ARL15: variants seen among roughly 807,000 people sequenced by gnomAD.
The protein encoded by ARL15 is ADP-ribosylation factor-like protein 15.
ARL15 carries 19 observed loss-of-function variants against 25.2 expected under a neutral mutation model. The observed-to-expected ratio is 0.75, with a 90% CI of 0.53 to 1.10. ARL15 has a LOEUF of 1.10. Among genes scored for constraint, ARL15 ranks in the 50% least tolerant of loss-of-function variants. The pLI, the probability that ARL15 is intolerant of heterozygous loss-of-function variation, is 0.00. For synonymous variants in ARL15, 94 were observed against 86.8 expected (o/e 1.08, Z -0.46); for missense variants, 220 against 246.0 (o/e 0.89, Z 0.71).
At chr5:54,029,078 A>G (rs1017104037) in intron 4 of ARL15, among the ~76,000 whole-genome samples, 29 of 151,972 alleles carry the variant, frequency 1.9e-4, no homozygotes, top group Non-Finnish European at 4.1e-4. Flanking sequence ...GAAGGCTGCA[A>G]ATAGTTGTTT....
chr5:54,017,356 A>G (rs565698939), intron 4 of ARL15, among the ~76,000 whole-genome samples: 3 of 152,192 alleles, frequency 2.0e-5, no homozygotes, highest in African/African-American at 7.2e-5. Context: ...TCAGCTTGGT[A>G]TGTCTCTGCC....
intron 4 of ARL15, among the ~76,000 whole-genome samples, chr5:54,071,288 A>G (rs1163696013): frequency 2.0e-5 from 3 of 152,194 alleles, no homozygotes; most frequent in Non-Finnish European, 4.4e-5. Context: ...TTAAAATGGT[A>G]TCTTTAGATA....
At chr5:54,084,661 G>A (rs1751907650) in intron 4 of ARL15, among the ~76,000 whole-genome samples, 1 of 152,100 alleles carries the variant, frequency 6.6e-6, no homozygotes, top group African/African-American at 2.4e-5. Context: ...ATTTGTCTGT[G>A]GCATTAGTGC....
At chr5:54,188,949 T>C (rs912809841) in intron 1 of ARL15, among the ~76,000 whole-genome samples, 1 of 152,172 alleles carries the variant, frequency 6.6e-6, no homozygotes, top group Non-Finnish European at 1.5e-5. Context: ...GTGCAATCTT[T>C]AGGGTTTTCT....
intron 4 of ARL15, among the ~76,000 whole-genome samples, chr5:53,949,837 C>T (rs2112112063): frequency 6.6e-6 from 1 of 152,218 alleles, no homozygotes; most frequent in South Asian, 2.1e-4. Flanking sequence ...TAACTCTTTC[C>T]AAAAGACTGC....
intron 1 of ARL15, among the ~76,000 whole-genome samples, chr5:54,305,977 A>G (rs561652686): frequency 6.6e-6 from 1 of 152,310 alleles, no homozygotes; most frequent in South Asian, 2.1e-4. Flanking sequence ...AAAACACACA[A>G]AATGAGAGAA....
intron 1 of ARL15, among the ~76,000 whole-genome samples, chr5:54,292,766 G>T (rs1274724032): frequency 6.6e-6 from 1 of 151,974 alleles, no homozygotes; most frequent in Non-Finnish European, 1.5e-5. Flanking sequence ...CTCACTCAGC[G>T]CTCACAATTA....
intron 4 of ARL15, among the ~76,000 whole-genome samples, chr5:54,100,539 T>A (rs747812450): frequency 1.6e-4 from 25 of 152,204 alleles, no homozygotes; most frequent in Non-Finnish European, 3.1e-4. Context: ...ACAAATAAAT[T>A]GTGAAATTAC....
At chr5:54,269,735 TC>T (rs1757731375) in intron 1 of ARL15, among the ~76,000 whole-genome samples, 1 of 152,238 alleles carries the variant, frequency 6.6e-6, no homozygotes, top group Admixed American at 6.5e-5. Context: ...AACCTCCACC[TC>T]CCAGGTTCAA....
intron 4 of ARL15, among the ~76,000 whole-genome samples, chr5:53,914,537 T>C (rs920281389): frequency 2.0e-5 from 3 of 152,126 alleles, no homozygotes; most frequent in Non-Finnish European, 4.4e-5. Context: ...AAGTAATACA[T>C]AAATATTCGT....
At chr5:54,207,853 T>C (rs1041401671) in intron 1 of ARL15, among the ~76,000 whole-genome samples, 2 of 152,226 alleles carry the variant, frequency 1.3e-5, no homozygotes, top group Non-Finnish European at 2.9e-5. Flanking sequence ...TTAAGAGTTC[T>C]AGATCCTCTC....
At chr5:53,943,475 C>A (rs1580103760) in intron 4 of ARL15, among the ~76,000 whole-genome samples, 1 of 152,030 alleles carries the variant, frequency 6.6e-6, no homozygotes, top group African/African-American at 2.4e-5. Context: ...AAATTTGGGG[C>A]CCCTTGAGCC....
At chr5:54,087,955 C>T (rs1166927861) in intron 4 of ARL15, among the ~76,000 whole-genome samples, 2 of 152,190 alleles carry the variant, frequency 1.3e-5, no homozygotes, top group Non-Finnish European at 2.9e-5. Flanking sequence ...GGATTATAGG[C>T]GTGAGCCACT....
chr5:54,203,049 T>C (rs909553091), intron 1 of ARL15, among the ~76,000 whole-genome samples: 8 of 152,144 alleles, frequency 5.3e-5, no homozygotes, highest in African/African-American at 1.4e-4. Context: ...CATGTACTTA[T>C]ATAAAGCTCC....
chr5:54,206,063 AC>A (rs1258356421), intron 1 of ARL15, among the ~76,000 whole-genome samples: 1 of 152,164 alleles, frequency 6.6e-6, no homozygotes, highest in Non-Finnish European at 1.5e-5. Context: ...AGAGAACTGG[AC>A]AGGAAAAACA....
intron 1 of ARL15, among the ~76,000 whole-genome samples, chr5:54,266,327 CTTTGTAGGCAAAGTAGCAGAAAATGTCAG>C: frequency 6.6e-6 from 1 of 152,308 alleles, no homozygotes; most frequent in African/African-American, 2.4e-5. Flanking sequence ...CTTCTGCCTG[CTTTGTAGGCAAAGTAGCAGAAAATGTCAG>C]TTTGTTGAGA....
At chr5:54,194,262 T>G (rs1481713369) in intron 1 of ARL15, among the ~76,000 whole-genome samples, 1 of 152,090 alleles carries the variant, frequency 6.6e-6, no homozygotes, top group Admixed American at 6.6e-5. Context: ...ATGGACCCAC[T>G]GCGATGTTCA....
At chr5:53,892,197 CT>C (rs1744736108) in intron 4 of ARL15, among the ~76,000 whole-genome samples, 1 of 152,190 alleles carries the variant, frequency 6.6e-6, no homozygotes, top group Non-Finnish European at 1.5e-5. Context: ...TAAAAAGTAT[CT>C]GGATAGAAGA....
At chr5:53,968,123 T>C (rs571776394) in intron 4 of ARL15, among the ~76,000 whole-genome samples, 35 of 152,272 alleles carry the variant, frequency 2.3e-4, no homozygotes, top group South Asian at 1.7e-3. Flanking sequence ...ATTAGACTTC[T>C]GGTTTCGTCT....
Sources: gnomAD v4.1 joint callset for allele counts (sites outside exome capture counted in the v4.1 genomes callset) on GRCh38, gnomAD v4.1.1 for gene constraint, MANE v1.5 for transcripts, NCBI Gene and HGNC (gene_info 2026-07-23, HGNC 2026-07-21) for gene names.